FECH: variants seen among roughly 807,000 people sequenced by gnomAD.
FECH encodes ferrochelatase, also known as ferrochelatase, mitochondrial.
A neutral mutation model predicts 56.9 loss-of-function variants in FECH; 40 were observed. That is an observed-to-expected ratio of 0.70 (90% CI 0.55 to 0.92). The LOEUF (loss-of-function observed/expected upper bound fraction) is 0.92. FECH is among the 40% of genes least tolerant of loss of function. The pLI, the probability that FECH is intolerant of heterozygous loss-of-function variation, is 0.00. For missense variants in FECH, 431 were observed against 529.1 expected, an observed-to-expected ratio of 0.81 and a Z score of 1.82; for synonymous variants, 175 against 198.6, an observed-to-expected ratio of 0.88 and a Z score of 1.00.
Position 57,580,132 on chromosome 18 carries a change from G to A in FECH, c.135C>T (p.Val45=). The part of the protein sequence containing the change: ...RWKSGAAAAA[V]TTETAQHAQG... Reference sequence around the variant, plus strand: ...GGGCATGCTGGGCTGTTTCTGTGGTGACGGCCGCTGCAGCTGCACCTGACT... The same window carrying A: ...GGGCATGCTGGGCTGTTTCTGTGGTAACGGCCGCTGCAGCTGCACCTGACT... The change falls in exon 2 of 11, where the codon GTC becomes GTT. Residue 45 remains valine (V), a synonymous_variant. Transcript: ENST00000262093. The A allele has an allele frequency of 1.9e-6, 3 of 1,614,184 alleles. No individual in the cohort carries two copies. The highest frequency in any genetic ancestry group is 2.5e-6 in the Non-Finnish European group (3 of 1,180,034).
At chr18:57,570,419 C>T (rs746483710) in intron 4 of FECH, among the ~76,000 whole-genome samples, 4 of 152,180 alleles carry the variant, frequency 2.6e-5, no homozygotes, top group African/African-American at 4.8e-5. Flanking sequence ...GGCCAGGGCC[C>T]TTTGTTACTT....
intron 10 of FECH, 52 bp downstream of exon 10, chr18:57,551,261 CAG>C: frequency 7.7e-7 from 1 of 1,294,754 alleles, no homozygotes; most frequent in Non-Finnish European, 1.1e-6. Flanking sequence ...AAGAGTTTCT[CAG>C]AGGATTACTC....
chr18:57,573,229 G>A lies in FECH; in HGVS notation c.314+17C>T, dbSNP rs747882511. 90 of 1,611,460 alleles carry A rather than the reference G, an allele frequency of 5.6e-5. 4 individuals carry two copies. The Middle Eastern group carries it at 9.9e-3, about 177-fold the overall frequency. On this transcript the variant is annotated intron_variant, in intron 3 of 10. Transcript: ENST00000262093. ...GTAGTGCCAAGGTTATAATTGAGGT[G>A]TTTATATATATCTCACTTCTGAATA...
rs754368910 is a variant in FECH, at chr18:57,566,599, T to A, written c.464-18A>T. ...GTGAGGGGCTATTAGGAAGCACATG[T>A]GGAAAGGAGAAAGTGTTAATCCTTA... is the stretch of plus-strand genomic sequence containing the variant. On this transcript the variant is annotated intron_variant, in intron 4 of 10. Transcript: ENST00000262093. The A allele has an allele frequency of 1.4e-5, 23 of 1,613,930 alleles. No individual in the cohort carries two copies. Among genetic ancestry groups the A allele is most frequent in the Non-Finnish European group, 1.9e-5 (23 of 1,179,950 alleles).
intron 2 of FECH, among the ~76,000 whole-genome samples, chr18:57,576,763 A>G (rs2051191331): frequency 6.6e-6 from 1 of 152,198 alleles, no homozygotes; most frequent in Non-Finnish European, 1.5e-5. Flanking sequence ...ACTTAATTCA[A>G]AACTGTGTTG....
In FECH at chr18:57,577,092, C is replaced by T. The variant is rs560248651; in HGVS notation, c.194+2981G>A. 2.6e-5 allele frequency among the ~76,000 whole-genome samples: 4 copies of T among 152,278 alleles called. No homozygotes were observed. The East Asian group carries it at 7.7e-4, about 29-fold the overall frequency. Reference sequence around the variant, plus strand: ...GCTTGTCAATTAATAAACAATAATTCTATTCTACTCTATATGGTCAGCCTC... The same window carrying T: ...GCTTGTCAATTAATAAACAATAATTTTATTCTACTCTATATGGTCAGCCTC... On this transcript the variant is annotated intron_variant, in intron 2 of 10. Coordinates refer to ENST00000262093, the MANE Select transcript of FECH (RefSeq NM_000140.5).
intron 2 of FECH, among the ~76,000 whole-genome samples, chr18:57,575,475 C>T (rs2122338286): frequency 6.6e-6 from 1 of 152,210 alleles, no homozygotes; most frequent in East Asian, 1.9e-4. Flanking sequence ...CAGGGTCTCA[C>T]TCTGTCACCC....
chr18:57,550,599 A>G lies in FECH; in HGVS notation c.*113T>C, dbSNP rs1204206332. The G allele has an allele frequency of 2.1e-5, 28 of 1,351,416 alleles. No individual in the cohort carries two copies. The highest frequency in any genetic ancestry group is 6.9e-5 in the Admixed American group (4 of 57,614). 83.7% of individuals were successfully genotyped at this position (1,351,416 alleles called of 1,614,324 possible). A position where few individuals can be genotyped will look rare whatever the true frequency, so the allele number is the denominator to read the frequency against. On this transcript the variant is annotated 3_prime_UTR_variant, in exon 11 of 11. Coordinates refer to ENST00000262093, the MANE Select transcript of FECH (RefSeq NM_000140.5). Reference sequence around the variant, plus strand: ...CACAATTTGTACCCAAAGGCTGTATATATATCAAGGAAGGATGACTTCCTT... The same window carrying G: ...CACAATTTGTACCCAAAGGCTGTATGTATATCAAGGAAGGATGACTTCCTT...
chr18:57,569,710 T>C (rs892348416), intron 4 of FECH, among the ~76,000 whole-genome samples: 2 of 151,870 alleles, frequency 1.3e-5, no homozygotes, highest in South Asian at 2.1e-4. Context: ...CCCACCCCCA[T>C]GCTCACTAGG....
chr18:57,545,363 G>A lies in FECH; in HGVS notation c.*5349C>T, dbSNP rs189146107. Among the ~76,000 whole-genome samples the A allele has an allele frequency of 1.1e-4, 17 of 152,286 alleles. No individual in the cohort carries two copies. The East Asian group carries it at 2.9e-3, about 26-fold the overall frequency. ...GCTAATGATTCCAGCTAAAAACAAC[G>A]AAGCCGGTACTATCACAGTATGTTG... On this transcript the variant is annotated 3_prime_UTR_variant, in exon 11 of 11. Coordinates refer to ENST00000262093, the MANE Select transcript of FECH (RefSeq NM_000140.5).
At chr18:57,565,239 T>A (rs1441659527) in intron 5 of FECH, among the ~76,000 whole-genome samples, 1 of 152,214 alleles carries the variant, frequency 6.6e-6, no homozygotes, top group Admixed American at 6.5e-5. Flanking sequence ...TAAAAATTCA[T>A]AAAATCTGAC....
Position 57,579,313 on chromosome 18 carries a change from G to GTGTGTGTA in FECH, c.194+759_194+760insTACACACA, listed in dbSNP as rs531089366. Among the ~76,000 whole-genome samples, 1,327 of 143,770 alleles carry GTGTGTGTA rather than the reference G, an allele frequency of 9.2e-3. 21 individuals carry two copies. The highest frequency in any genetic ancestry group is 0.024 in the African/African-American group (897 of 38,080). 94.3% of individuals were successfully genotyped at this position (143,770 alleles called of 152,430 possible). ...TATGTGTGTGTGTGTGTGTGTGTGTGTATATATTCATACCTGTATAATTTT... is the reference window on the plus strand; with the variant it reads ...TATGTGTGTGTGTGTGTGTGTGTGTGTGTGTGTATATATATTCATACCTGTATAATTTT... On this transcript the variant is annotated intron_variant, in intron 2 of 10. Transcript: ENST00000262093.
intron 4 of FECH, among the ~76,000 whole-genome samples, chr18:57,570,027 GT>G (rs1278774304): frequency 2.8e-4 from 27 of 95,184 alleles, no homozygotes; most frequent in Non-Finnish European, 4.9e-4. Flanking sequence ...TGTTGTTGTT[GT>G]TGTCGTGTGT....
chr18:57,558,809 T>G (rs1435279399), intron 7 of FECH, among the ~76,000 whole-genome samples: 1 of 152,022 alleles, frequency 6.6e-6, no homozygotes, highest in Non-Finnish European at 1.5e-5. Context: ...TAATCCCAGC[T>G]ACTTGGGAGG....
chr18:57,555,079 T>C, intron 7 of FECH, 127 bp from the exon 8 acceptor site: 1 of 746,390 alleles, frequency 1.3e-6, no homozygotes, highest in Non-Finnish European at 2.4e-6. Flanking sequence ...GCACCAATGA[T>C]GATATGGTCT....
intron 1 of FECH, among the ~76,000 whole-genome samples, chr18:57,581,916 A>T (rs2051284600): frequency 6.6e-6 from 1 of 152,212 alleles, no homozygotes; most frequent in Admixed American, 6.5e-5. Context: ...CAATCATGTC[A>T]GCTTATGCTG....
chr18:57,558,545 T>C (rs1736442), intron 7 of FECH, among the ~76,000 whole-genome samples: 96,358 of 152,170 alleles, frequency 0.63, 30,807 homozygotes, highest in African/African-American at 0.69. Flanking sequence ...TGAGCTCTGC[T>C]GACAGGGCAG....
rs565918391 is a variant in FECH, at chr18:57,544,970, C to T, written c.*5742G>A. 9.3e-4 allele frequency among the ~76,000 whole-genome samples: 142 copies of T among 152,246 alleles called. No homozygotes were observed. Among genetic ancestry groups the T allele is most frequent in the African/African-American group, 3.3e-3 (138 of 41,546 alleles). ...ATGTGCCTGTGCAATCAATTCCATGCCATATATACACTTTTTTTCAGATAA... is the reference window on the plus strand; with the variant it reads ...ATGTGCCTGTGCAATCAATTCCATGTCATATATACACTTTTTTTCAGATAA... On this transcript the variant is annotated 3_prime_UTR_variant, in exon 11 of 11. Coordinates refer to ENST00000262093, the MANE Select transcript of FECH (RefSeq NM_000140.5).
At chr18:57,567,869 G>A (rs2051039019) in intron 4 of FECH, 2 of 152,198 alleles carry the variant, frequency 1.3e-5, no homozygotes, top group African/African-American at 4.8e-5. Context: ...GTATTCTCTG[G>A]TTGGGTACTG....
Sources: gnomAD v4.1 joint callset for allele counts (sites outside exome capture counted in the v4.1 genomes callset) on GRCh38, gnomAD v4.1.1 for gene constraint, MANE v1.5 for transcripts, NCBI Gene and HGNC (gene_info 2026-07-23, HGNC 2026-07-21) for gene names.